The following NUDT3 variants were observed in gnomAD, a reference collection of about 807,000 sequenced individuals.
The protein encoded by NUDT3 is diphosphoinositol polyphosphate phosphohydrolase 1.
In NUDT3, 9 loss-of-function variants were observed where a neutral mutation model predicts 23.6. The ratio of observed to expected loss-of-function variants is 0.38; its 90% CI spans 0.23 to 0.66. The LOEUF is 0.66. Ranked by LOEUF, NUDT3 falls within the 30% of genes least tolerant of loss-of-function variation. The pLI is 0.52. For missense variants in NUDT3, 172 were observed against 218.5 expected (o/e 0.79, Z 1.34); for synonymous variants, 86 against 82.6 (o/e 1.04, Z -0.22).
At chr6:34,313,000 C>CT (rs1383304577) in intron 2 of NUDT3, among the ~76,000 whole-genome samples, 2 of 151,956 alleles carry the variant, frequency 1.3e-5, no homozygotes, top group Non-Finnish European at 2.9e-5. Context: ...AACCCCCTCT[C>CT]TACTAAAACT....
chr6:34,380,076 C>T (rs1764987602), intron 1 of NUDT3, among the ~76,000 whole-genome samples: 1 of 151,528 alleles, frequency 6.6e-6, no homozygotes, highest in South Asian at 2.1e-4. Context: ...TAATTTTTAT[C>T]TATTTATTTA....
intron 1 of NUDT3, among the ~76,000 whole-genome samples, chr6:34,372,431 C>T (rs1194192731): frequency 6.6e-6 from 1 of 152,098 alleles, no homozygotes; most frequent in African/African-American, 2.4e-5. Context: ...TTAATGATTG[C>T]TATTCTAACT....
intron 2 of NUDT3, among the ~76,000 whole-genome samples, chr6:34,315,173 G>T (rs772616489): frequency 1.3e-5 from 2 of 152,166 alleles, no homozygotes; most frequent in African/African-American, 4.8e-5. Flanking sequence ...AAAAGGGAGT[G>T]GGGGGAACAA....
chr6:34,348,633 G>A (rs529376061), intron 1 of NUDT3, among the ~76,000 whole-genome samples: 39 of 151,898 alleles, frequency 2.6e-4, no homozygotes, highest in Middle Eastern at 3.4e-3. Context: ...AAAATTAGCC[G>A]GGCGTGGTGG....
Position 34,392,406 on chromosome 6 carries a change from A to C in NUDT3, c.-44T>G. ...GGTGCGGTGCGGGTCGCAGGAGTCG[A>C]GGGGTGGGGAGCCCGCTCTGGACGG... On this transcript the variant is annotated 5_prime_UTR_variant, in exon 1 of 5. Transcript: ENST00000607016. 6.7e-7 allele frequency: 1 copy of C among 1,483,746 alleles called. No individual in the cohort carries two copies. Among genetic ancestry groups the C allele is most frequent in the Non-Finnish European group, 9.2e-7 (1 of 1,087,644 alleles). The allele number at this position is 1,483,746 out of a possible 1,614,324, so 91.9% of individuals were successfully genotyped here.
intron 2 of NUDT3, among the ~76,000 whole-genome samples, chr6:34,335,214 G>C (rs1407119137): frequency 6.6e-6 from 1 of 152,128 alleles, no homozygotes; most frequent in African/African-American, 2.4e-5. Context: ...GTTGATTCAT[G>C]CTGTGTGAAC....
intron 1 of NUDT3, among the ~76,000 whole-genome samples, chr6:34,345,811 C>T (rs964301765): frequency 6.6e-6 from 1 of 151,838 alleles, no homozygotes; most frequent in Non-Finnish European, 1.5e-5. Flanking sequence ...TCTTGTTGCC[C>T]AGGCTGGAGT....
At chr6:34,334,719 G>A (rs540491421) in intron 2 of NUDT3, among the ~76,000 whole-genome samples, 29 of 152,124 alleles carry the variant, frequency 1.9e-4, no homozygotes, top group East Asian at 7.7e-4. Flanking sequence ...GGGAGGAGGG[G>A]CTGGAAGCTA....
chr6:34,378,016 C>T (rs768731820), intron 1 of NUDT3, among the ~76,000 whole-genome samples: 6 of 151,128 alleles, frequency 4.0e-5, no homozygotes, highest in Non-Finnish European at 8.8e-5. Flanking sequence ...CTACAAAAAG[C>T]GGAAAAATGG....
intron 1 of NUDT3, among the ~76,000 whole-genome samples, chr6:34,345,929 C>T (rs1256689928): frequency 4.6e-5 from 7 of 151,854 alleles, no homozygotes; most frequent in African/African-American, 9.7e-5. Flanking sequence ...CCACCACGCC[C>T]GGCCGATTTT....
At chr6:34,326,955 C>A (rs188469813) in intron 2 of NUDT3, among the ~76,000 whole-genome samples, 12 of 151,878 alleles carry the variant, frequency 7.9e-5, no homozygotes, top group African/African-American at 1.2e-4. Flanking sequence ...AGAGATCGTA[C>A]GAAATAAAGA....
At chr6:34,295,707 T>G in intron 2 of NUDT3, 22 bp from the exon 3 acceptor site, 1 of 1,613,376 alleles carries the variant, frequency 6.2e-7, no homozygotes, top group East Asian at 2.2e-5. Flanking sequence ...AAAGAACAAT[T>G]AATGCACTGA....
intron 1 of NUDT3, among the ~76,000 whole-genome samples, chr6:34,361,812 C>CA (rs1482451503): frequency 3.3e-5 from 5 of 152,062 alleles, no homozygotes; most frequent in Non-Finnish European, 7.4e-5. Flanking sequence ...CTGGAAAAGG[C>CA]AAAACTATGA....
intron 1 of NUDT3, among the ~76,000 whole-genome samples, chr6:34,355,157 T>G (rs1258291903): frequency 1.3e-5 from 2 of 152,208 alleles, no homozygotes; most frequent in African/African-American, 2.4e-5. Context: ...ATATTAGCTG[T>G]TTGGGGTAGA....
At chr6:34,388,311 A>G (rs1203921157) in intron 1 of NUDT3, among the ~76,000 whole-genome samples, 1 of 152,166 alleles carries the variant, frequency 6.6e-6, no homozygotes, top group African/African-American at 2.4e-5. Context: ...TTTTCTTCAC[A>G]TTCCATGTAT....
intron 2 of NUDT3, among the ~76,000 whole-genome samples, chr6:34,311,827 G>A (rs1433038883): frequency 6.6e-6 from 1 of 152,106 alleles, no homozygotes; most frequent in Non-Finnish European, 1.5e-5. Flanking sequence ...GAAAAAAATT[G>A]TCTTTTCTAC....
chr6:34,388,478 G>T (rs985250200), intron 1 of NUDT3, among the ~76,000 whole-genome samples: 1 of 152,038 alleles, frequency 6.6e-6, no homozygotes, highest in Non-Finnish European at 1.5e-5. Flanking sequence ...GCCTTATTCG[G>T]TTGGAATTTT....
intron 2 of NUDT3, among the ~76,000 whole-genome samples, chr6:34,324,717 A>T (rs1012539164): frequency 1.2e-4 from 18 of 152,260 alleles, no homozygotes; most frequent in African/African-American, 4.3e-4. Context: ...AGTATCTACC[A>T]TGAATTTTTG....
chr6:34,354,752 T>TA lies in NUDT3; in HGVS notation c.100-12781_100-12780insT, dbSNP rs1491501859. On this transcript the variant is annotated intron_variant, in intron 1 of 4. Coordinates refer to ENST00000607016, the MANE Select transcript of NUDT3 (RefSeq NM_006703.4). ...GGGAAAAAGTATATATATATATATATTTATTTACTTTATATTTGTATTTAT... is the reference window on the plus strand; with the variant it reads ...GGGAAAAAGTATATATATATATATATATTATTTACTTTATATTTGTATTTAT... Among the ~76,000 whole-genome samples, 99 of 148,278 alleles carry TA rather than the reference T, an allele frequency of 6.7e-4. 1 individual carries two copies. Among genetic ancestry groups the TA allele is most frequent in the African/African-American group, 2.3e-3 (92 of 40,722 alleles).
Sources: allele counts gnomAD v4.1 joint callset (sites outside exome capture counted in the v4.1 genomes callset), GRCh38; gene constraint gnomAD v4.1.1; transcripts MANE v1.5; gene names NCBI Gene and HGNC (gene_info 2026-07-23, HGNC 2026-07-21).